The following ANKHD1 variants were observed in gnomAD, a reference collection of about 807,000 sequenced individuals.
ANKHD1 encodes ankyrin repeat and KH domain-containing protein 1.
Under a neutral mutation model 230.5 loss-of-function variants are expected in ANKHD1, and 31 were observed. That is an observed-to-expected ratio of 0.13 (90% confidence interval 0.10 to 0.18). The LOEUF (loss-of-function observed/expected upper bound fraction) is 0.18, where lower values mean the gene tolerates loss of function less well. ANKHD1 is among the 10% of genes least tolerant of loss of function. ANKHD1 has a pLI of 1.00. For missense variants in ANKHD1, 2,256 were observed against 3,071.3 expected, an observed-to-expected ratio of 0.73 and a Z score of 6.27; for synonymous variants, 1,074 against 1,117.6, an observed-to-expected ratio of 0.96 and a Z score of 0.78.
intron 24 of ANKHD1, among the ~76,000 whole-genome samples, chr5:140,522,067 G>T (rs540314667): frequency 6.6e-6 from 1 of 152,274 alleles, no homozygotes; most frequent in African/African-American, 2.4e-5. Flanking sequence ...GGAACATTAT[G>T]ACTGTCATAA....
chr5:140,502,573 T>A (rs890318577), intron 15 of ANKHD1, among the ~76,000 whole-genome samples: 7 of 152,150 alleles, frequency 4.6e-5, no homozygotes, highest in African/African-American at 1.7e-4. Context: ...AGAAAAGTAG[T>A]TCTTTACTAA....
intron 14 of ANKHD1, among the ~76,000 whole-genome samples, chr5:140,489,436 G>A (rs1751669585): frequency 6.6e-6 from 1 of 152,044 alleles, no homozygotes; most frequent in Admixed American, 6.5e-5. Flanking sequence ...GCAGCAGTGA[G>A]CTATGATTGT....
intron 29 of ANKHD1, among the ~76,000 whole-genome samples, chr5:140,531,843 G>A (rs1385693820): frequency 6.6e-6 from 1 of 152,052 alleles, no homozygotes; most frequent in East Asian, 1.9e-4. Context: ...ACAACCGAAC[G>A]TTCATTAACT....
chr5:140,520,784 TG>T (rs1394007134), intron 24 of ANKHD1, among the ~76,000 whole-genome samples: 3 of 20,368 alleles, frequency 1.5e-4, no homozygotes, highest in African/African-American at 2.0e-4. Context: ...TGTTGTGGGG[TG>T]GGGGGGAGGG....
At chr5:140,533,087 ACT>A (rs1753907265) in intron 29 of ANKHD1, among the ~76,000 whole-genome samples, 1 of 149,706 alleles carries the variant, frequency 6.7e-6, no homozygotes. Context: ...ATAGAGCAAG[ACT>A]CTGTCTCCAA....
intron 1 of ANKHD1, among the ~76,000 whole-genome samples, chr5:140,407,566 T>G (rs1486570582): frequency 6.6e-6 from 1 of 151,060 alleles, no homozygotes; most frequent in Non-Finnish European, 1.5e-5. Flanking sequence ...ACTCCACCAC[T>G]CCACCTGATT....
At chr5:140,508,531 A>C (rs756619949) in intron 20 of ANKHD1, among the ~76,000 whole-genome samples, 5 of 152,118 alleles carry the variant, frequency 3.3e-5, no homozygotes, top group Non-Finnish European at 5.9e-5. Flanking sequence ...AGGCAGGTGA[A>C]TCACATGAGG....
At chr5:140,478,791 T>C (rs1751102507) in intron 10 of ANKHD1, among the ~76,000 whole-genome samples, 1 of 150,912 alleles carries the variant, frequency 6.6e-6, no homozygotes, top group Admixed American at 6.6e-5. Context: ...ATTACAGGCA[T>C]GCACCACCTT....
rs866081480 is a variant in ANKHD1 at position 140,532,660 on chromosome 5, C to T, written c.6851-2702C>T. On this transcript the variant is annotated intron_variant, in intron 29 of 33. Coordinates refer to ENST00000360839, the MANE Select transcript of ANKHD1 (RefSeq NM_017747.3). ...TAAAATTGATGTGGTCATGAATGCA[C>T]AATTCTGTGAATATACAAAAAGCTA... Among the ~76,000 whole-genome samples, 3 of 152,160 alleles carry T rather than the reference C, an allele frequency of 2.0e-5. No individual in the cohort carries two copies. The South Asian group carries it at 6.2e-4, about 32-fold the overall frequency.
chr5:140,458,996 GCATA>G (rs1561755515), intron 8 of ANKHD1, 134 bp downstream of exon 8: 5 of 14,350 alleles, frequency 3.5e-4, no homozygotes, highest in East Asian at 3.0e-3. Flanking sequence ...ATATATATAT[GCATA>G]TATATATATA....
intron 23 of ANKHD1, 51 bp downstream of exon 23, chr5:140,512,974 T>C (rs947805331): frequency 1.3e-6 from 2 of 1,483,414 alleles, no homozygotes; most frequent in Middle Eastern, 1.8e-4. Flanking sequence ...TGGAATGATA[T>C]GCCAAAGTGT....
chr5:140,539,033 C>T lies in ANKHD1; in HGVS notation c.7519C>T (p.Pro2507Ser). 6.2e-7 allele frequency: 1 copy of T among 1,612,726 alleles called. No individual in the cohort carries two copies. The highest frequency in any genetic ancestry group is 8.5e-7 in the Non-Finnish European group (1 of 1,179,496). The change falls in exon 33 of 34, where the codon CCT (proline) becomes TCT (serine). Residue 2507 changes from proline (P) to serine (S), a missense_variant. By Grantham distance (74) the Pro-to-Ser change is moderately conservative. This residue lies in a region of ANKHD1 where 778 missense variants were observed against 966.5 expected (regional missense o/e 0.80). Coordinates refer to ENST00000360839, the MANE Select transcript of ANKHD1 (RefSeq NM_017747.3). ...TCACAATCCAGATCCTGCTTGGAAC[C>T]CTATGATAAAAGTTATCCAAAATTC... ...GLHNPDPAWN[P>S]MIKVIQNSTE...
At position 140,528,709 on chromosome 5, in the gene ANKHD1, A is replaced by G; in HGVS notation, c.5763A>G (p.Leu1921=). The G allele has an allele frequency of 6.2e-7, 1 of 1,614,168 alleles. No individual in the cohort carries two copies. The highest frequency in any genetic ancestry group is 8.5e-7 in the Non-Finnish European group (1 of 1,180,024). ...TACCTAACCAGAACGGGACTGTTTT[A>G]CCCTCAGAGTCTGCTGGACTAGCTA... The part of the protein sequence containing the change: ...SRLPNQNGTV[L]PSESAGLATA... Residue 1921 remains leucine, a synonymous_variant, in exon 29 of 34, where the codon TTA becomes TTG. Transcript: ENST00000360839.
chr5:140,406,640 A>T (rs1454503140), intron 1 of ANKHD1, among the ~76,000 whole-genome samples: 1 of 150,014 alleles, frequency 6.7e-6, no homozygotes, highest in Non-Finnish European at 1.5e-5. Context: ...TGCTTCCTGC[A>T]TTCAAGTGAT....
At chr5:140,436,306 C>A in intron 2 of ANKHD1, 49 bp downstream of exon 2, 2 of 1,409,588 alleles carry the variant, frequency 1.4e-6, no homozygotes, top group South Asian at 1.8e-5. Flanking sequence ...AAGTCTAGAT[C>A]TCTTTACAGT....
chr5:140,524,224 G>C lies in ANKHD1; in HGVS notation c.4476G>C (p.Glu1492Asp), dbSNP rs750306544. The part of the protein sequence containing the change: ...NSELPEDEDE[E>D]ENDEDVEQEV... Reference sequence around the variant, plus strand: ...AACTACCAGAGGATGAAGATGAAGAGGAGAATGATGAAGATGGTGAGAAAC... The same window carrying C: ...AACTACCAGAGGATGAAGATGAAGACGAGAATGATGAAGATGGTGAGAAAC... Residue 1492 changes from glutamate (E) to aspartate (D), a missense_variant, in exon 25 of 34, where the codon GAG becomes GAC. By Grantham distance (45) the Glu-to-Asp change is conservative (BLOSUM62 2). Coordinates refer to ENST00000360839, the MANE Select transcript of ANKHD1 (RefSeq NM_017747.3). The C allele has an allele frequency of 1.3e-6, 2 of 1,570,068 alleles. No individual in the cohort carries two copies. Among genetic ancestry groups the C allele is most frequent in the South Asian group, 2.4e-5 (2 of 81,782 alleles).
rs1249709354 is a variant in ANKHD1, at chr5:140,528,776, A to T, written c.5830A>T (p.Ser1944Cys). The T allele has an allele frequency of 1.2e-6, 2 of 1,614,168 alleles. No individual in the cohort carries two copies. The highest frequency in any genetic ancestry group is 2.2e-5 in the East Asian group (1 of 44,884). ...PITVSSVVAA[S>C]QQLCVTNTRT... is the part of the protein sequence containing the mutation. ...CACTGTCTCTTCTGTAGTTGCTGCCAGTCAGCAACTGTGTGTCACTAATAC... is the reference window on the plus strand; with the variant it reads ...CACTGTCTCTTCTGTAGTTGCTGCCTGTCAGCAACTGTGTGTCACTAATAC... The change falls in exon 29 of 34, where the codon AGT (serine) becomes TGT (cysteine). Residue 1944 changes from serine (S) to cysteine (C), a missense_variant. Physicochemically the swap from Ser to Cys is moderately radical, Grantham distance 112 (BLOSUM62 -1). Around this residue, in one of 13 missense-constraint regions of ANKHD1, gnomAD observed 778 missense variants for 966.5 expected, o/e 0.80. Coordinates refer to ENST00000360839, the MANE Select transcript of ANKHD1 (RefSeq NM_017747.3).
At chr5:140,468,052 CTTTTTTTTTTTTTTTTTTTTTTTTT>C (rs869172143) in intron 10 of ANKHD1, among the ~76,000 whole-genome samples, 2 of 52,380 alleles carry the variant, frequency 3.8e-5, no homozygotes, top group Non-Finnish European at 3.2e-5. Flanking sequence ...TGTACTAATT[CTTTTTTTTTTTTTTTTTTTTTTTTT>C]TTTTTTTTTT....
At chr5:140,457,014 A>G (rs1775244930) in intron 7 of ANKHD1, among the ~76,000 whole-genome samples, 4 of 152,328 alleles carry the variant, frequency 2.6e-5, no homozygotes, top group Middle Eastern at 3.4e-3. Flanking sequence ...TTTACAAGAA[A>G]AAAACAACCC....
Sources: allele counts gnomAD v4.1 joint callset (sites outside exome capture counted in the v4.1 genomes callset), GRCh38; gene constraint gnomAD v4.1.1; regional missense constraint gnomAD v4.1.1; transcripts MANE v1.5; gene names NCBI Gene and HGNC (gene_info 2026-07-23, HGNC 2026-07-21).